The following HIPK2 variants were observed in gnomAD, a reference collection of about 807,000 sequenced individuals.
HIPK2 encodes homeodomain-interacting protein kinase 2.
Under a neutral mutation model 113.7 loss-of-function variants are expected in HIPK2, and 27 were observed. That is an observed-to-expected ratio of 0.24 (90% confidence interval 0.17 to 0.33). The LOEUF (loss-of-function observed/expected upper bound fraction) is 0.33, where lower values mean the gene tolerates loss of function less well. Among genes scored for constraint, HIPK2 ranks in the 10% least tolerant of loss-of-function variants. The pLI, the probability that HIPK2 is intolerant of heterozygous loss-of-function variation, is 1.00. For synonymous variants in HIPK2, 631 were observed against 642.2 expected (o/e 0.98, Z 0.26); for missense variants, 1,257 against 1,588.0 (o/e 0.79, Z 3.54).
Position 139,569,113 on chromosome 7 carries a change from G to A in HIPK2, c.*3814C>T, listed in dbSNP as rs545785158. The A allele has an allele frequency of 2.0e-5, 3 of 152,976 alleles. No individual in the cohort carries two copies. Among genetic ancestry groups the A allele is most frequent in the African/African-American group, 4.8e-5 (2 of 41,556 alleles). The allele number at this position is 152,976 out of a possible 1,614,324, so 9.5% of individuals were successfully genotyped here. ...CCTGTGATGCCTGAGCAGCCGCCCA[G>A]CTTTGTTCAGGGTTTCTCTGGCCTC... On this transcript the variant is annotated 3_prime_UTR_variant, in exon 15 of 15. Coordinates refer to ENST00000406875, the MANE Select transcript of HIPK2 (RefSeq NM_022740.5).
chr7:139,711,821 C>T (rs73469966), intron 2 of HIPK2, among the ~76,000 whole-genome samples: 2,061 of 152,262 alleles, frequency 0.014, 48 homozygotes, highest in African/African-American at 0.046. Context: ...AGGGCAGGGG[C>T]GCCCAAGGTG....
chr7:139,618,003 T>C (rs930920024), intron 7 of HIPK2, among the ~76,000 whole-genome samples: 4 of 152,204 alleles, frequency 2.6e-5, no homozygotes, highest in African/African-American at 9.7e-5. Flanking sequence ...ACTTAAGACT[T>C]ACTTATGCTG....
rs201615330 is a variant in HIPK2, at chr7:139,614,370, G to A, written c.1906C>T (p.Pro636Ser). Reference sequence around the variant, plus strand: ...ATCTGGGCTGTTCCTGTCTGCAGGGGCATGCTCCGCTGGGCCACTGCAGCC... The same window carrying A: ...ATCTGGGCTGTTCCTGTCTGCAGGGACATGCTCCGCTGGGCCACTGCAGCC... Reference protein sequence around the residue: ...SMAAVAQRSMPLQTGTAQICA... With the variant: ...SMAAVAQRSMSLQTGTAQICA... The change falls in exon 8 of 15, where the codon CCC (proline) becomes TCC (serine). Residue 636 changes from proline (P) to serine (S), a missense_variant. Physicochemically the swap from Pro to Ser is moderately conservative, Grantham distance 74 (BLOSUM62 -1). Transcript: ENST00000406875. 2.9e-5 allele frequency: 46 copies of A among 1,585,700 alleles called. No individual in the cohort carries two copies. The highest frequency in any genetic ancestry group is 3.8e-5 in the Non-Finnish European group (44 of 1,161,638).
chr7:139,585,747 G>A (rs907602473), intron 12 of HIPK2, among the ~76,000 whole-genome samples: 8 of 152,210 alleles, frequency 5.3e-5, no homozygotes, highest in Admixed American at 1.3e-4. Context: ...CTTCTTACAA[G>A]TTGTGTTACC....
intron 2 of HIPK2, among the ~76,000 whole-genome samples, chr7:139,657,420 G>A (rs1036521381): frequency 6.6e-6 from 1 of 152,142 alleles, no homozygotes; most frequent in African/African-American, 2.4e-5. Flanking sequence ...TCACTGTATT[G>A]GTCCCAAATC....
intron 5 of HIPK2, 93 bp from the exon 6 acceptor site, chr7:139,626,878 G>T: frequency 7.3e-7 from 1 of 1,379,184 alleles, no homozygotes; most frequent in South Asian, 1.3e-5. Context: ...ACTTCCTCCT[G>T]ATCTCTCAAG....
chr7:139,664,743 C>G (rs1014671912), intron 2 of HIPK2, among the ~76,000 whole-genome samples: 10 of 152,166 alleles, frequency 6.6e-5, no homozygotes, highest in Non-Finnish European at 1.3e-4. Flanking sequence ...CACTCTCCAC[C>G]ATTAACTTAG....
chr7:139,724,551 T>G (rs1471627691), intron 1 of HIPK2, among the ~76,000 whole-genome samples: 1 of 152,104 alleles, frequency 6.6e-6, no homozygotes, highest in Non-Finnish European at 1.5e-5. Context: ...ATTATTATAC[T>G]TTAAGTTTTA....
chr7:139,605,348 C>CT (rs1283090473), intron 9 of HIPK2, among the ~76,000 whole-genome samples: 3 of 151,938 alleles, frequency 2.0e-5, no homozygotes, highest in Non-Finnish European at 4.4e-5. Flanking sequence ...ATACCACTGC[C>CT]TAAAGTTGGA....
At position 139,631,598 on chromosome 7, in the gene HIPK2, C is replaced by A; in HGVS notation, c.1227+4G>T. On this transcript the variant is annotated splice_donor_region_variant and intron_variant, in intron 3 of 14. Transcript: ENST00000406875. The surrounding 1 kb of genome is among the most constrained non-coding windows in gnomAD (Gnocchi z 4.9). ...TTGTGAATATCTGTGTCATCTGGAC[C>A]CACCTGATCATACTCCGAAGCTCCT... The A allele has an allele frequency of 6.2e-7, 1 of 1,613,186 alleles. No individual in the cohort carries two copies. The highest frequency in any genetic ancestry group is 8.5e-7 in the Non-Finnish European group (1 of 1,179,616).
intron 12 of HIPK2, 56 bp from the exon 13 acceptor site, chr7:139,584,120 C>G (rs1473243624): frequency 6.5e-7 from 1 of 1,537,744 alleles, no homozygotes. Flanking sequence ...GTGAGACACC[C>G]AACTAGCACT....
intron 2 of HIPK2, among the ~76,000 whole-genome samples, chr7:139,647,920 C>T (rs1254376484): frequency 6.6e-6 from 1 of 152,232 alleles, no homozygotes; most frequent in African/African-American, 2.4e-5. Flanking sequence ...GTAGTGTCAG[C>T]TGTGTAAGTA....
Position 139,631,999 on chromosome 7 carries a change from T to C in HIPK2, c.1104-274A>G, listed in dbSNP as rs1800634525. Among the ~76,000 whole-genome samples the C allele has an allele frequency of 6.6e-6, 1 of 152,242 alleles. No individual in the cohort carries two copies. Among genetic ancestry groups the C allele is most frequent in the East Asian group, 1.9e-4 (1 of 5,202 alleles). ...CAGAGAACCACGTCTACTGACTTCA[T>C]TACCTTCACACGCCAATCAGATGAG... On this transcript the variant is annotated intron_variant, in intron 2 of 14. Coordinates refer to ENST00000406875, the MANE Select transcript of HIPK2 (RefSeq NM_022740.5). The surrounding 1 kb of genome is among the most constrained non-coding windows in gnomAD (Gnocchi z 4.9).
intron 2 of HIPK2, among the ~76,000 whole-genome samples, chr7:139,711,684 T>C (rs1585407369): frequency 6.6e-6 from 1 of 152,220 alleles, no homozygotes; most frequent in Non-Finnish European, 1.5e-5. Flanking sequence ...TTGGTCTTAT[T>C]TGTAGTTTAC....
intron 2 of HIPK2, among the ~76,000 whole-genome samples, chr7:139,712,757 T>C (rs553339480): frequency 9.9e-5 from 15 of 152,224 alleles, no homozygotes; most frequent in Non-Finnish European, 2.2e-4. Flanking sequence ...TTGATAAACA[T>C]GGCCTAGAGC....
At chr7:139,594,377 T>C (rs1799126180) in intron 12 of HIPK2, among the ~76,000 whole-genome samples, 1 of 152,222 alleles carries the variant, frequency 6.6e-6, no homozygotes, top group Non-Finnish European at 1.5e-5. Flanking sequence ...TATCTTACAC[T>C]AGTGGGGCCA....
chr7:139,631,833 T>C lies in HIPK2; in HGVS notation c.1104-108A>G. ...GGGGTGCCATTACTGACTCCTCCTC[T>C]GAAGGGCCTGTGGCTCTCAGGAGAG... On this transcript the variant is annotated intron_variant, in intron 2 of 14. Transcript: ENST00000406875. The surrounding 1 kb of genome is among the most constrained non-coding windows in gnomAD (Gnocchi z 4.9). 2.2e-6 allele frequency: 3 copies of C among 1,360,152 alleles called. No homozygotes were observed. Among genetic ancestry groups the C allele is most frequent in the Non-Finnish European group, 3.0e-6 (3 of 1,014,196 alleles). 84.3% of individuals were successfully genotyped at this position (1,360,152 alleles called of 1,614,324 possible). A position where few individuals can be genotyped will look rare whatever the true frequency, so the allele number is the denominator to read the frequency against.
rs948143026 is a variant in HIPK2 at position 139,569,445 on chromosome 7, G to T, written c.*3482C>A. ...GCTTAAATACCAGAGGCAAGCCAAA[G>T]ATTTAGTTAACAGATTTCAGAAGCA... On this transcript the variant is annotated 3_prime_UTR_variant, in exon 15 of 15. Transcript: ENST00000406875. The T allele has an allele frequency of 6.6e-6, 1 of 152,248 alleles. No individual in the cohort carries two copies. The highest frequency in any genetic ancestry group is 1.5e-5 in the Non-Finnish European group (1 of 68,058). The allele number at this position is 152,248 out of a possible 1,614,324, so 9.4% of individuals were successfully genotyped here.
intron 2 of HIPK2, among the ~76,000 whole-genome samples, chr7:139,673,027 A>G (rs1458509392): frequency 6.6e-6 from 1 of 152,174 alleles, no homozygotes; most frequent in African/African-American, 2.4e-5. Flanking sequence ...AAATATTTTA[A>G]CAGCAATAGA....
Sources: allele counts gnomAD v4.1 joint callset (sites outside exome capture counted in the v4.1 genomes callset), GRCh38; gene constraint gnomAD v4.1.1; non-coding constraint Gnocchi (gnomAD v3.1); transcripts MANE v1.5; gene names NCBI Gene and HGNC (gene_info 2026-07-23, HGNC 2026-07-21).